Variants in PDE4D observed in about 807,000 individuals in gnomAD.
PDE4D encodes 3',5'-cyclic-AMP phosphodiesterase 4D.
In PDE4D, 24 loss-of-function variants were observed where a neutral mutation model predicts 87.4. The observed-to-expected ratio is 0.27, with a 90% CI of 0.20 to 0.39. PDE4D has a LOEUF of 0.39. Among genes scored for constraint, PDE4D ranks in the 10% least tolerant of loss-of-function variants. The pLI is 1.00. For synonymous variants in PDE4D, 384 were observed against 383.2 expected (o/e 1.00, Z -0.02); for missense variants, 714 against 1,041.0 (o/e 0.69, Z 4.32).
At chr5:59,388,025 T>G (rs1217988191) in intron 1 of PDE4D, among the ~76,000 whole-genome samples, 3 of 152,096 alleles carry the variant, frequency 2.0e-5, no homozygotes, top group Non-Finnish European at 4.4e-5. Flanking sequence ...CTTTCACATT[T>G]AAATGAGATC....
chr5:60,107,050 AAAAT>A (rs1415213728), intron 2 of PDE4D, among the ~76,000 whole-genome samples: 1 of 152,230 alleles, frequency 6.6e-6, no homozygotes, highest in African/African-American at 2.4e-5. Flanking sequence ...AAACCCTTCA[AAAAT>A]TAATGAATCC....
At chr5:60,328,356 T>C (rs1235922213) in intron 1 of PDE4D, among the ~76,000 whole-genome samples, 1 of 152,180 alleles carries the variant, frequency 6.6e-6, no homozygotes, top group African/African-American at 2.4e-5. Context: ...ATCTCCCAAA[T>C]GGCAATATTA....
Position 59,722,591 on chromosome 5 carries a change from G to A in PDE4D, c.455+170577C>T, listed in dbSNP as rs879257601. Reference sequence around the variant, plus strand: ...TATGTCTTTAAAAATTGTTTTAGGTGCTGGTTATTATCTATAAGAAATCTA... The same window carrying A: ...TATGTCTTTAAAAATTGTTTTAGGTACTGGTTATTATCTATAAGAAATCTA... On this transcript the variant is annotated intron_variant, in intron 1 of 14. Coordinates refer to ENST00000340635, the MANE Select transcript of PDE4D (RefSeq NM_001104631.2). Among the ~76,000 whole-genome samples the A allele has an allele frequency of 6.5e-4, 99 of 151,996 alleles. 1 individual carries two copies. Among genetic ancestry groups the A allele is most frequent in the Non-Finnish European group, 9.1e-4 (62 of 67,990 alleles).
intron 6 of PDE4D, among the ~76,000 whole-genome samples, chr5:59,002,990 A>G (rs1750855727): frequency 6.6e-6 from 1 of 152,184 alleles, no homozygotes. Context: ...TAATCATTCT[A>G]TTATACTAAT....
chr5:59,136,027 TA>T (rs35078554), intron 5 of PDE4D, among the ~76,000 whole-genome samples: 26,803 of 149,192 alleles, frequency 0.18, 2,632 homozygotes, highest in Middle Eastern at 0.23. Context: ...GACTAAATGA[TA>T]AAAAAAAAAA....
At chr5:59,670,541 A>C (rs1747018690) in intron 1 of PDE4D, among the ~76,000 whole-genome samples, 2 of 152,164 alleles carry the variant, frequency 1.3e-5, no homozygotes, top group Admixed American at 6.5e-5. Context: ...CGAAACATAA[A>C]TAAATTTTGT....
chr5:60,160,684 C>A, intron 2 of PDE4D: 1 of 273,100 alleles, frequency 3.7e-6, no homozygotes, highest in Non-Finnish European at 7.3e-6. Context: ...CTGCTGTTTC[C>A]TCAGTACTTT....
rs114736487 is a variant in PDE4D at position 60,324,119 on chromosome 5, C to G, written c.-89-138432G>C. On this transcript the variant is annotated intron_variant, in intron 1 of 16. Transcript: ENST00000502484. ...TCTGTTTCCTTTACCACTCTATCTC[C>G]AAGACTTAGCTTAGCACCCAACATA... 4.3e-3 allele frequency among the ~76,000 whole-genome samples: 661 copies of G among 152,232 alleles called. 7 individuals are homozygous for G. The highest frequency in any genetic ancestry group is 0.014 in the African/African-American group (598 of 41,528).
At chr5:59,042,642 T>C (rs1759886256) in intron 5 of PDE4D, among the ~76,000 whole-genome samples, 1 of 152,074 alleles carries the variant, frequency 6.6e-6, no homozygotes, top group South Asian at 2.1e-4. Context: ...CCCTAAAGGC[T>C]GGGAGAGGGC....
chr5:60,154,866 T>C (rs1252691473), intron 2 of PDE4D, among the ~76,000 whole-genome samples: 2 of 152,210 alleles, frequency 1.3e-5, no homozygotes, highest in Non-Finnish European at 2.9e-5. Flanking sequence ...AACCTTATGT[T>C]GAGAGATTAA....
chr5:60,441,459 C>T (rs1480165174), intron 1 of PDE4D, among the ~76,000 whole-genome samples: 4 of 152,068 alleles, frequency 2.6e-5, no homozygotes, highest in Non-Finnish European at 4.4e-5. Flanking sequence ...AAGACCTACA[C>T]GTAAGACCTA....
At chr5:59,514,760 T>C (rs73758981) in intron 1 of PDE4D, among the ~76,000 whole-genome samples, 5,665 of 152,254 alleles carry the variant, frequency 0.037, 339 homozygotes, top group African/African-American at 0.13. Flanking sequence ...TGTTTCTTCA[T>C]CAGTAAGATG....
intron 1 of PDE4D, among the ~76,000 whole-genome samples, chr5:59,876,972 A>G (rs1748692333): frequency 6.6e-6 from 1 of 152,194 alleles, no homozygotes; most frequent in Non-Finnish European, 1.5e-5. Flanking sequence ...AAATATTTAG[A>G]GCCAAAAATG....
chr5:59,475,545 G>T (rs1463104586), intron 1 of PDE4D, among the ~76,000 whole-genome samples: 1 of 151,982 alleles, frequency 6.6e-6, no homozygotes, highest in Non-Finnish European at 1.5e-5. Context: ...ACCATAACTT[G>T]AATTCTAACC....
intron 6 of PDE4D, among the ~76,000 whole-genome samples, chr5:59,024,167 C>G (rs530022305): frequency 6.7e-6 from 1 of 148,364 alleles, no homozygotes; most frequent in South Asian, 2.1e-4. Flanking sequence ...GCTGGGATTA[C>G]AGGTGTGAGC....
intron 5 of PDE4D, among the ~76,000 whole-genome samples, chr5:59,150,495 A>C (rs1019193181): frequency 3.9e-5 from 6 of 152,176 alleles, no homozygotes; most frequent in Non-Finnish European, 7.4e-5. Context: ...AATACAGTGC[A>C]TATCTCCCCT....
At chr5:59,940,530 C>G (rs1434188134) in intron 3 of PDE4D, among the ~76,000 whole-genome samples, 1 of 151,964 alleles carries the variant, frequency 6.6e-6, no homozygotes, top group Admixed American at 6.6e-5. Context: ...AAGCAGGGAG[C>G]TGTTAGAGAT....
At chr5:60,414,456 G>A (rs969850314) in intron 1 of PDE4D, among the ~76,000 whole-genome samples, 1 of 152,050 alleles carries the variant, frequency 6.6e-6, no homozygotes, top group African/African-American at 2.4e-5. Flanking sequence ...AAATTAAAAA[G>A]TTAAATATAC....
Position 59,105,705 on chromosome 5 carries a change from T to A in PDE4D, c.809-66734A>T, listed in dbSNP as rs74320630. On this transcript the variant is annotated intron_variant, in intron 5 of 14. Coordinates refer to ENST00000340635, the MANE Select transcript of PDE4D (RefSeq NM_001104631.2). ...CACCAGCTTTGTGCTTCTTAAGCTTTAAATATGCTGTGGAAACTCCTAGAA... is the reference window on the plus strand; with the variant it reads ...CACCAGCTTTGTGCTTCTTAAGCTTAAAATATGCTGTGGAAACTCCTAGAA... 7.0e-3 allele frequency among the ~76,000 whole-genome samples: 1,066 copies of A among 152,338 alleles called. 13 individuals are homozygous for A. The highest frequency in any genetic ancestry group is 0.024 in the African/African-American group (1,002 of 41,560).
Sources: gnomAD v4.1 joint callset for allele counts (sites outside exome capture counted in the v4.1 genomes callset) on GRCh38, gnomAD v4.1.1 for gene constraint, MANE v1.5 for transcripts, NCBI Gene and HGNC (gene_info 2026-07-23, HGNC 2026-07-21) for gene names.